Variants in NOL10 observed in about 807,000 individuals in gnomAD.
The protein encoded by NOL10 is nucleolar protein 10.
NOL10 carries 58 observed loss-of-function variants against 103.5 expected under a neutral mutation model. That is an observed-to-expected ratio of 0.56 (90% CI 0.45 to 0.70). The LOEUF (loss-of-function observed/expected upper bound fraction) is 0.70. Among genes scored for constraint, NOL10 ranks in the 30% least tolerant of loss-of-function variants. The probability of loss-of-function intolerance (pLI) is 0.00; values close to 1 mark genes in which losing one functional copy is unlikely to be tolerated. For missense variants in NOL10, 763 were observed against 807.3 expected (o/e 0.95, Z 0.67); for synonymous variants, 287 against 282.5 (o/e 1.02, Z -0.16).
chr2:10,626,256 T>C (rs1185215486), intron 13 of NOL10, among the ~76,000 whole-genome samples: 1 of 152,108 alleles, frequency 6.6e-6, no homozygotes, highest in Non-Finnish European at 1.5e-5. Context: ...ATGGAGTCAA[T>C]GAAAGCCTAT....
At chr2:10,611,921 TA>T (rs530439652) in intron 13 of NOL10, among the ~76,000 whole-genome samples, 1 of 151,484 alleles carries the variant, frequency 6.6e-6, no homozygotes, top group Admixed American at 6.6e-5. Context: ...CTTCCCTGCT[TA>T]AAAAAACAAA....
Position 10,668,686 on chromosome 2 carries a change from A to G in NOL10, c.502T>C (p.Tyr168His), listed in dbSNP as rs1045084312. 2.6e-6 allele frequency: 4 copies of G among 1,547,446 alleles called. No individual in the cohort carries two copies. In the African/African-American group the frequency reaches 4.1e-5, roughly 16 times the overall value. ...GCATCAGTTTGTAGAGGATTCAGGT[A>G]TCGTCCTTGTTCTAAGTTTAACCTA... is the stretch of plus-strand genomic sequence containing the variant. ...VYRLNLEQGR[Y>H]LNPLQTDAAE... The change falls in exon 7 of 21, where the codon TAC becomes CAC. Residue 168 changes from tyrosine to histidine, a missense_variant. Tyr to His is a moderately conservative substitution (Grantham distance 83). Transcript: ENST00000381685.
intron 17 of NOL10, among the ~76,000 whole-genome samples, chr2:10,596,089 T>C (rs1675674997): frequency 1.3e-5 from 2 of 152,046 alleles, no homozygotes; most frequent in African/African-American, 2.4e-5. Context: ...AGAGATGAGG[T>C]ATTACTTTAA....
intron 13 of NOL10, among the ~76,000 whole-genome samples, chr2:10,612,622 C>T (rs2148203381): frequency 6.6e-6 from 1 of 152,204 alleles, no homozygotes; most frequent in South Asian, 2.1e-4. Flanking sequence ...CATACCTCAG[C>T]CTCCTGAGTA....
In NOL10 at chr2:10,603,165, A is replaced by G. The variant is rs1172904986; in HGVS notation, c.1154-8T>C. The G allele has an allele frequency of 6.2e-7, 1 of 1,606,126 alleles. No homozygotes were observed. The highest frequency in any genetic ancestry group is 8.5e-7 in the Non-Finnish European group (1 of 1,175,086). Reference sequence around the variant, plus strand: ...CAATGAGGTGGGTGAGCCCTGGGAAAGGTCAAACAGAAGACAGCAGGTCCT... The same window carrying G: ...CAATGAGGTGGGTGAGCCCTGGGAAGGGTCAAACAGAAGACAGCAGGTCCT... On this transcript the variant is annotated splice_region_variant and splice_polypyrimidine_tract_variant and intron_variant, in intron 14 of 20. Transcript: ENST00000381685.
chr2:10,671,466 C>A, intron 6 of NOL10, 88 bp downstream of exon 6: 1 of 1,078,826 alleles, frequency 9.3e-7, no homozygotes, highest in Non-Finnish European at 1.2e-6. Context: ...AGCAAGTTAC[C>A]TAAACAGAGA....
At position 10,678,197 on chromosome 2, in the gene NOL10, C is replaced by T. The variant is rs117654494; in HGVS notation, c.212-2326G>A. Among the ~76,000 whole-genome samples the T allele has an allele frequency of 1.1e-4, 16 of 150,062 alleles. No homozygotes were observed. In the East Asian group the frequency reaches 3.1e-3, roughly 29 times the overall value. Reference sequence around the variant, plus strand: ...GTGAGTAGCTGACACTACAGGTGCACACCACCACTTTCAGCTAATTTTTTT... The same window carrying T: ...GTGAGTAGCTGACACTACAGGTGCATACCACCACTTTCAGCTAATTTTTTT... On this transcript the variant is annotated intron_variant, in intron 3 of 20. Transcript: ENST00000381685.
intron 2 of NOL10, among the ~76,000 whole-genome samples, chr2:10,683,535 T>C (rs537060191): frequency 1.2e-4 from 19 of 152,324 alleles, no homozygotes; most frequent in Non-Finnish European, 2.5e-4. Flanking sequence ...TCCTTGGACC[T>C]GCATGCTTAC....
chr2:10,645,192 C>T (rs762421997), intron 12 of NOL10, among the ~76,000 whole-genome samples: 12 of 152,102 alleles, frequency 7.9e-5, no homozygotes, highest in Non-Finnish European at 1.8e-4. Context: ...ATGCCCCAGT[C>T]GTGAGAGAAT....
intron 17 of NOL10, among the ~76,000 whole-genome samples, chr2:10,592,916 G>T (rs1181619126): frequency 6.6e-6 from 1 of 152,052 alleles, no homozygotes; most frequent in South Asian, 2.1e-4. Context: ...TGTTCTATAG[G>T]AGCTTACAAG....
At chr2:10,630,708 C>A (rs1370612210) in intron 13 of NOL10, among the ~76,000 whole-genome samples, 1 of 152,092 alleles carries the variant, frequency 6.6e-6, no homozygotes, top group Non-Finnish European at 1.5e-5. Context: ...GAGCAAGACA[C>A]TGTCTCAGGA....
At chr2:10,629,363 A>G (rs2148239914) in intron 13 of NOL10, among the ~76,000 whole-genome samples, 2 of 152,170 alleles carry the variant, frequency 1.3e-5, no homozygotes, top group Middle Eastern at 3.4e-3. Flanking sequence ...TTATATTCAT[A>G]CAGAAAATAT....
rs1336570885 is a variant in NOL10 at position 10,671,649 on chromosome 2, C to T, written c.369G>A (p.Ser123=). The T allele has an allele frequency of 4.4e-6, 7 of 1,580,864 alleles. No homozygotes were observed. The highest frequency in any genetic ancestry group is 4.5e-5 in the East Asian group (2 of 44,070). Reference sequence around the variant, plus strand: ...TGGTTTTGTAGTAAAAACCTGATTGCGAATGAAATTCAATGTATCTATCAT... The same window carrying T: ...TGGTTTTGTAGTAAAAACCTGATTGTGAATGAAATTCAATGTATCTATCAT... ...LHNDRYIEFH[S]QSGFYYKTRI... is the part of the protein sequence containing the mutation. The change falls in exon 6 of 21, where the codon TCG becomes TCA. Residue 123 remains serine, a synonymous_variant. Coordinates refer to ENST00000381685, the MANE Select transcript of NOL10 (RefSeq NM_024894.4).
chr2:10,646,126 G>A (rs151186089), intron 12 of NOL10, among the ~76,000 whole-genome samples: 47 of 152,202 alleles, frequency 3.1e-4, no homozygotes, highest in African/African-American at 9.9e-4. Flanking sequence ...AACGTTCACC[G>A]AGGTCATGAT....
intron 13 of NOL10, among the ~76,000 whole-genome samples, chr2:10,636,112 T>C (rs1043468328): frequency 1.3e-5 from 2 of 152,170 alleles, no homozygotes; most frequent in African/African-American, 2.4e-5. Flanking sequence ...AGTCTCAAGC[T>C]CTTGGCCTCA....
chr2:10,626,699 C>T (rs938094938), intron 13 of NOL10, among the ~76,000 whole-genome samples: 3 of 151,592 alleles, frequency 2.0e-5, no homozygotes, highest in Admixed American at 6.6e-5. Context: ...GGAGGAAATG[C>T]CGGAACCAGG....
At position 10,571,981 on chromosome 2, in the gene NOL10, G is replaced by A. The variant is rs1468874058; in HGVS notation, c.*90C>T. The A allele has an allele frequency of 7.1e-7, 1 of 1,414,270 alleles. No homozygotes were observed. The highest frequency in any genetic ancestry group is 1.4e-5 in the African/African-American group (1 of 69,464). 87.6% of individuals were successfully genotyped at this position (1,414,270 alleles called of 1,614,324 possible). On this transcript the variant is annotated 3_prime_UTR_variant, in exon 21 of 21. Transcript: ENST00000381685. Reference sequence around the variant, plus strand: ...GAACGTACATGAACTTTAAAAACGTGTGTTTCCTCGTCTGTGTTTAACACC... The same window carrying A: ...GAACGTACATGAACTTTAAAAACGTATGTTTCCTCGTCTGTGTTTAACACC...
intron 20 of NOL10, among the ~76,000 whole-genome samples, chr2:10,576,064 C>T (rs1178688836): frequency 6.6e-6 from 1 of 152,136 alleles, no homozygotes; most frequent in Non-Finnish European, 1.5e-5. Flanking sequence ...TGAATGGGTA[C>T]AGGATGTGAT....
At chr2:10,671,407 T>G in intron 6 of NOL10, 147 bp downstream of exon 6, 1 of 724,744 alleles carries the variant, frequency 1.4e-6, no homozygotes, top group Non-Finnish European at 2.0e-6. Flanking sequence ...GTGTTTTCTT[T>G]TCTTTTTTTT....
Sources: allele counts gnomAD v4.1 joint callset (sites outside exome capture counted in the v4.1 genomes callset), GRCh38; gene constraint gnomAD v4.1.1; transcripts MANE v1.5; gene names NCBI Gene and HGNC (gene_info 2026-07-23, HGNC 2026-07-21).